The following PRSS12 variants were observed in gnomAD, a reference collection of about 807,000 sequenced individuals.
The protein encoded by PRSS12 is neurotrypsin.
PRSS12 carries 85 observed loss-of-function variants against 104.4 expected under a neutral mutation model. That is an observed-to-expected ratio of 0.81 (90% confidence interval 0.68 to 0.98). The LOEUF is 0.98. Ranked by LOEUF, PRSS12 falls within the 50% of genes least tolerant of loss-of-function variation. The probability of loss-of-function intolerance (pLI) is 0.00; values close to 1 mark genes in which losing one functional copy is unlikely to be tolerated. For missense variants in PRSS12, 1,141 were observed against 1,139.2 expected (o/e 1.00, Z -0.02); for synonymous variants, 454 against 425.2 (o/e 1.07, Z -0.83).
At chr4:118,326,987 T>C (rs1443992735) in intron 4 of PRSS12, among the ~76,000 whole-genome samples, 3 of 152,076 alleles carry the variant, frequency 2.0e-5, no homozygotes, top group African/African-American at 7.2e-5. Flanking sequence ...TGATCTAAAA[T>C]AAATAAACAA....
Position 118,332,403 on chromosome 4 carries a change from A to T in PRSS12, c.821-537T>A, listed in dbSNP as rs540512061. ...CTCAACAGAACAATATTGAAACTTC[A>T]TTTGGGCATGAATCAGCTCATATCC... On this transcript the variant is annotated intron_variant, in intron 3 of 12. Coordinates refer to ENST00000296498, the MANE Select transcript of PRSS12 (RefSeq NM_003619.4). 3.3e-5 allele frequency among the ~76,000 whole-genome samples: 5 copies of T among 152,320 alleles called. No homozygotes were observed. In the East Asian group the frequency reaches 9.6e-4, roughly 29 times the overall value.
intron 4 of PRSS12, among the ~76,000 whole-genome samples, chr4:118,320,914 T>C (rs1324281489): frequency 2.6e-5 from 4 of 152,148 alleles, no homozygotes; most frequent in Non-Finnish European, 5.9e-5. Context: ...ATAGGAGGTA[T>C]AGAGGAAGCT....
chr4:118,282,076 T>G lies in PRSS12; in HGVS notation c.2488A>C (p.Met830Leu). The change falls in exon 13 of 13, where the codon ATG becomes CTG. Residue 830 changes from methionine to leucine, a missense_variant. Transcript: ENST00000296498. ...CAGCTCTCTCCGGGCCGTTCACACA[T>G]GAGTGGTCCTCCGCTGTCTCCCTGG... ...SCQGDSGGPL[M>L]CERPGESWVV... 1 of 1,613,292 alleles carries G rather than the reference T, an allele frequency of 6.2e-7. No individual in the cohort carries two copies. The highest frequency in any genetic ancestry group is 8.5e-7 in the Non-Finnish European group (1 of 1,179,628).
At position 118,308,463 on chromosome 4, in the gene PRSS12, G is replaced by A. The variant is rs1007926747; in HGVS notation, c.1604C>T (p.Ala535Val). Reference protein sequence around the residue: ...CDDGWTDKDAAVICRQLGYKG... With the variant: ...CDDGWTDKDAVVICRQLGYKG... ...GTAGCCAAGCTGACGACAGATCACA[G>A]CTGCATCCTTATCAGTCCATCCATC... Residue 535 changes from alanine (A) to valine (V), a missense_variant, in exon 8 of 13, where the codon GCT becomes GTT. Transcript: ENST00000296498. 5 of 1,613,924 alleles carry A rather than the reference G, an allele frequency of 3.1e-6. No individual in the cohort carries two copies. Among genetic ancestry groups the A allele is most frequent in the African/African-American group, 2.7e-5 (2 of 74,914 alleles).
chr4:118,318,652 C>T (rs1442157054), intron 4 of PRSS12, 96 bp from the exon 5 acceptor site: 2 of 1,218,138 alleles, frequency 1.6e-6, no homozygotes, highest in African/African-American at 1.5e-5. Context: ...ATTATTAATC[C>T]CCACTTATTA....
chr4:118,297,880 G>A (rs1012262092), intron 9 of PRSS12, among the ~76,000 whole-genome samples: 10 of 152,156 alleles, frequency 6.6e-5, no homozygotes, highest in African/African-American at 2.2e-4. Context: ...GCTCACGCCT[G>A]TAGTCCCAGC....
intron 4 of PRSS12, among the ~76,000 whole-genome samples, chr4:118,325,620 T>C (rs1723751285): frequency 2.0e-5 from 3 of 152,088 alleles, no homozygotes; most frequent in Admixed American, 2.0e-4. Context: ...TTCAAGAGAA[T>C]ACCAAAATAA....
At chr4:118,305,187 T>A (rs1743515763) in intron 8 of PRSS12, among the ~76,000 whole-genome samples, 1 of 151,038 alleles carries the variant, frequency 6.6e-6, no homozygotes, top group Non-Finnish European at 1.5e-5. Flanking sequence ...TGAAATCCAA[T>A]TTCCCTTCAG....
In PRSS12 at chr4:118,282,924, T is replaced by C; in HGVS notation, c.2227A>G (p.Ser743Gly). Residue 743 changes from serine (S) to glycine (G), a missense_variant, in exon 12 of 13, where the codon AGC becomes GGC. Transcript: ENST00000296498. ...AAACAGGCTGGCAAAACATGGCTGC[T>C]GAATCTGGCACATTGCTCTTCTGGT... ...QGPEEQCARF[S>G]SHVLPACLPL... 2.5e-6 allele frequency: 4 copies of C among 1,614,232 alleles called. No individual in the cohort carries two copies. Among genetic ancestry groups the C allele is most frequent in the Non-Finnish European group, 3.4e-6 (4 of 1,180,048 alleles).
intron 7 of PRSS12, among the ~76,000 whole-genome samples, chr4:118,308,948 T>C (rs1274884873): frequency 6.6e-6 from 1 of 152,180 alleles, no homozygotes; most frequent in Non-Finnish European, 1.5e-5. Flanking sequence ...TTCTGCTTCA[T>C]GTCTGTTCAT....
intron 11 of PRSS12, among the ~76,000 whole-genome samples, chr4:118,285,741 AATG>A (rs1560763034): frequency 1.3e-5 from 2 of 152,322 alleles, no homozygotes; most frequent in Admixed American, 6.5e-5. Flanking sequence ...TACATTTTGC[AATG>A]ATAATATTTT....
rs147475216 is a variant in PRSS12 at position 118,307,115 on chromosome 4, G to C, written c.1631+1321C>G. Reference sequence around the variant, plus strand: ...AGTGATAGAAACACAGTGAGCAAAAGAAGTTTAAAATTAACCACTGACCAA... The same window carrying C: ...AGTGATAGAAACACAGTGAGCAAAACAAGTTTAAAATTAACCACTGACCAA... On this transcript the variant is annotated intron_variant, in intron 8 of 12. Transcript: ENST00000296498. 5.3e-5 allele frequency among the ~76,000 whole-genome samples: 8 copies of C among 152,230 alleles called. No individual in the cohort carries two copies. The East Asian group carries it at 1.4e-3, about 26-fold the overall frequency.
chr4:118,350,251 G>A (rs905662847), intron 1 of PRSS12, among the ~76,000 whole-genome samples: 7 of 152,172 alleles, frequency 4.6e-5, no homozygotes, highest in African/African-American at 1.4e-4. Flanking sequence ...CACAGCTACT[G>A]GCAGAGCCAA....
chr4:118,296,191 C>T (rs1303122593), intron 9 of PRSS12, among the ~76,000 whole-genome samples: 4 of 152,136 alleles, frequency 2.6e-5, no homozygotes, highest in Admixed American at 6.5e-5. Flanking sequence ...ATGTATGGAA[C>T]ATTAAACAAA....
intron 11 of PRSS12, among the ~76,000 whole-genome samples, chr4:118,290,578 T>C (rs1401650392): frequency 6.6e-6 from 1 of 152,224 alleles, no homozygotes; most frequent in Non-Finnish European, 1.5e-5. Flanking sequence ...AATATTTGTT[T>C]TGAATTTTAG....
rs572234802 is a variant in PRSS12 at position 118,286,600 on chromosome 4, C to G, written c.2040-3489G>C. On this transcript the variant is annotated intron_variant, in intron 11 of 12. Transcript: ENST00000296498. ...ATGATCACTATTGTATCCTTAGCAC[C>G]CAGCAAAGTGCTTGGCACAGAGAAA... is the stretch of plus-strand genomic sequence containing the variant. 6.8e-4 allele frequency among the ~76,000 whole-genome samples: 104 copies of G among 152,202 alleles called. 1 individual carries two copies. Among genetic ancestry groups the G allele is most frequent in the African/African-American group, 2.2e-3 (90 of 41,512 alleles).
intron 2 of PRSS12, among the ~76,000 whole-genome samples, chr4:118,336,634 T>C (rs1159661113): frequency 6.6e-6 from 1 of 152,216 alleles, no homozygotes; most frequent in Admixed American, 6.5e-5. Context: ...GAAGTTTGTT[T>C]GCAGAATAAT....
At chr4:118,287,197 C>A (rs1420716337) in intron 11 of PRSS12, among the ~76,000 whole-genome samples, 1 of 151,948 alleles carries the variant, frequency 6.6e-6, no homozygotes, top group African/African-American at 2.4e-5. Flanking sequence ...CAGGCTGGAG[C>A]GCAGTGGTGC....
At position 118,304,759 on chromosome 4, in the gene PRSS12, A is replaced by G. The variant is rs962943578; in HGVS notation, c.1631+3677T>C. On this transcript the variant is annotated intron_variant, in intron 8 of 12. Coordinates refer to ENST00000296498, the MANE Select transcript of PRSS12 (RefSeq NM_003619.4). ...TTGTCAGACATTATGTAATGCATCAATAAATAATGCCTTTTACTTTCTGTT... is the reference window on the plus strand; with the variant it reads ...TTGTCAGACATTATGTAATGCATCAGTAAATAATGCCTTTTACTTTCTGTT... Among the ~76,000 whole-genome samples the G allele has an allele frequency of 5.3e-5, 8 of 152,024 alleles. No homozygotes were observed. In the South Asian group the frequency reaches 6.2e-4, roughly 12 times the overall value.
Sources: allele counts gnomAD v4.1 joint callset (sites outside exome capture counted in the v4.1 genomes callset), GRCh38; gene constraint gnomAD v4.1.1; transcripts MANE v1.5; gene names NCBI Gene and HGNC (gene_info 2026-07-23, HGNC 2026-07-21).